The following PTPRO variants were observed in gnomAD, a reference collection of about 807,000 sequenced individuals.
PTPRO encodes receptor-type tyrosine-protein phosphatase O.
In PTPRO, 62 loss-of-function variants were observed where a neutral mutation model predicts 145.2. The observed-to-expected ratio is 0.43, with a 90% CI of 0.35 to 0.53. PTPRO has a LOEUF of 0.53. Among genes scored for constraint, PTPRO ranks in the 20% least tolerant of loss-of-function variants. PTPRO has a pLI of 0.01. For missense variants in PTPRO, 1,345 were observed against 1,482.7 expected (o/e 0.91, Z 1.53); for synonymous variants, 565 against 514.7 (o/e 1.10, Z -1.32).
At chr12:15,448,661 A>G (rs1940970335) in intron 1 of PTPRO, among the ~76,000 whole-genome samples, 1 of 152,136 alleles carries the variant, frequency 6.6e-6, no homozygotes, top group South Asian at 2.1e-4. Context: ...TAATCCAGCA[A>G]TCTTTTATCT....
intron 1 of PTPRO, among the ~76,000 whole-genome samples, chr12:15,475,592 G>A (rs253835): frequency 0.92 from 140,620 of 152,188 alleles, 65,780 homozygotes; most frequent in East Asian, 1. Context: ...CCTAAAGTAC[G>A]TTTAGTATAA....
chr12:15,328,852 TAAAC>T (rs977651168), intron 1 of PTPRO, among the ~76,000 whole-genome samples: 61 of 152,310 alleles, frequency 4.0e-4, no homozygotes, highest in African/African-American at 1.4e-3. Flanking sequence ...TTAAACTAAA[TAAAC>T]CTATTTTTAA....
intron 1 of PTPRO, among the ~76,000 whole-genome samples, chr12:15,379,314 T>A (rs1938783978): frequency 6.7e-6 from 1 of 148,468 alleles, no homozygotes; most frequent in Admixed American, 6.7e-5. Context: ...AGGTCAGGAG[T>A]TCAAGACCAG....
chr12:15,574,959 G>C (rs767011466), intron 19 of PTPRO, among the ~76,000 whole-genome samples: 1 of 152,164 alleles, frequency 6.6e-6, no homozygotes, highest in Non-Finnish European at 1.5e-5. Flanking sequence ...CTGAATATCT[G>C]TGGCCCCCCA....
chr12:15,393,638 T>C (rs911650251), intron 1 of PTPRO, among the ~76,000 whole-genome samples: 4 of 152,074 alleles, frequency 2.6e-5, no homozygotes, highest in Non-Finnish European at 5.9e-5. Flanking sequence ...ATTTTTTTTT[T>C]TTTTTTCTGA....
intron 7 of PTPRO, among the ~76,000 whole-genome samples, chr12:15,511,709 G>A (rs1283993412): frequency 2.0e-5 from 3 of 151,974 alleles, no homozygotes; most frequent in Non-Finnish European, 4.4e-5. Flanking sequence ...GGGACTACAG[G>A]TGCACACCAC....
In PTPRO at chr12:15,440,014, T is replaced by C. The variant is rs116834007; in HGVS notation, c.76-43960T>C. Reference sequence around the variant, plus strand: ...TCCTGGCCAAGCTCTCCATTGTCCCTGTGTGCAGAGGCTACAGGGGTAACA... The same window carrying C: ...TCCTGGCCAAGCTCTCCATTGTCCCCGTGTGCAGAGGCTACAGGGGTAACA... On this transcript the variant is annotated intron_variant, in intron 1 of 26. Coordinates refer to ENST00000281171, the MANE Select transcript of PTPRO (RefSeq NM_030667.3). The C allele has an allele frequency of 9.6e-3, 6,485 of 677,220 alleles. 324 individuals are homozygous for C. The African/African-American group carries it at 0.1, about 11-fold the overall frequency. The allele number at this position is 677,220 out of a possible 1,614,324, so 42.0% of individuals were successfully genotyped here.
At chr12:15,428,145 G>A (rs1940334065) in intron 1 of PTPRO, among the ~76,000 whole-genome samples, 1 of 152,240 alleles carries the variant, frequency 6.6e-6, no homozygotes, top group Non-Finnish European at 1.5e-5. Context: ...GATTGCAAAA[G>A]CAAGTGCTCA....
At chr12:15,494,061 C>G (rs1343518738) in intron 2 of PTPRO, among the ~76,000 whole-genome samples, 1 of 151,668 alleles carries the variant, frequency 6.6e-6, no homozygotes, top group Non-Finnish European at 1.5e-5. Context: ...TGGATGCTTA[C>G]AAATATATAA....
chr12:15,425,349 G>A (rs1310776779), intron 1 of PTPRO, among the ~76,000 whole-genome samples: 1 of 152,046 alleles, frequency 6.6e-6, no homozygotes, highest in African/African-American at 2.4e-5. Flanking sequence ...CTATGTTACA[G>A]GTAAGAAAAC....
chr12:15,528,726 A>G (rs1242615179), intron 12 of PTPRO, among the ~76,000 whole-genome samples: 1 of 152,126 alleles, frequency 6.6e-6, no homozygotes, highest in Non-Finnish European at 1.5e-5. Flanking sequence ...CCCAAAGCGT[A>G]TAATACTCAG....
chr12:15,429,353 A>T (rs925402161), intron 1 of PTPRO, among the ~76,000 whole-genome samples: 6 of 152,192 alleles, frequency 3.9e-5, no homozygotes, highest in African/African-American at 1.2e-4. Flanking sequence ...GGAAATTATC[A>T]CATGTTCTGA....
chr12:15,418,715 C>T (rs1208677252), intron 1 of PTPRO, among the ~76,000 whole-genome samples: 1 of 151,650 alleles, frequency 6.6e-6, no homozygotes, highest in African/African-American at 2.4e-5. Context: ...AATGAGTGTG[C>T]CATACGTCAG....
chr12:15,459,598 A>G (rs1246656065), intron 1 of PTPRO, among the ~76,000 whole-genome samples: 2 of 152,142 alleles, frequency 1.3e-5, no homozygotes, highest in African/African-American at 4.8e-5. Context: ...TGGCTTCTGA[A>G]TTTATTGCAA....
chr12:15,516,455 G>C (rs1430451391), intron 8 of PTPRO, among the ~76,000 whole-genome samples: 2 of 121,240 alleles, frequency 1.6e-5, no homozygotes, highest in African/African-American at 5.8e-5. Context: ...AAAGAAGAGA[G>C]TGAGAAAGAG....
chr12:15,324,773 G>T (rs1233018019), intron 1 of PTPRO, among the ~76,000 whole-genome samples: 1 of 151,926 alleles, frequency 6.6e-6, no homozygotes, highest in African/African-American at 2.4e-5. Context: ...TTTTACATAC[G>T]TTATTTCATT....
intron 1 of PTPRO, among the ~76,000 whole-genome samples, chr12:15,448,566 A>G (rs2136373913): frequency 6.6e-6 from 1 of 152,188 alleles, no homozygotes; most frequent in South Asian, 2.1e-4. Context: ...AACCTTGCAC[A>G]CTGTTGATGG....
intron 1 of PTPRO, among the ~76,000 whole-genome samples, chr12:15,399,094 A>G (rs568102963): frequency 1.3e-5 from 2 of 152,318 alleles, no homozygotes; most frequent in Admixed American, 6.5e-5. Flanking sequence ...CCTCTCAATG[A>G]TCTCATAATA....
chr12:15,504,385 C>G (rs533034329), intron 6 of PTPRO, among the ~76,000 whole-genome samples: 8 of 152,004 alleles, frequency 5.3e-5, no homozygotes, highest in Non-Finnish European at 1.0e-4. Flanking sequence ...TTGGGAAATA[C>G]GACATTTGTT....
Sources: gnomAD v4.1 joint callset for allele counts (sites outside exome capture counted in the v4.1 genomes callset) on GRCh38, gnomAD v4.1.1 for gene constraint, MANE v1.5 for transcripts, NCBI Gene and HGNC (gene_info 2026-07-23, HGNC 2026-07-21) for gene names.